Variants in ARB2A observed in about 807,000 individuals in gnomAD.
ARB2A encodes ARB2 cotranscriptional regulator A.
the ARB2A span, among the ~76,000 whole-genome samples, chr5:93,780,046 T>C: frequency 6.6e-6 from 1 of 152,174 alleles, no homozygotes; most frequent in Admixed American, 6.5e-5. Context: ...CTGTGCAAGG[T>C]GTCTGGAGGT....
chr5:93,709,247 G>A, the ARB2A span, among the ~76,000 whole-genome samples: 2 of 152,032 alleles, frequency 1.3e-5, no homozygotes, highest in East Asian at 3.9e-4. Context: ...CTCCAAGACA[G>A]GGTCCCAGAT....
the ARB2A span, among the ~76,000 whole-genome samples, chr5:93,676,157 T>C: frequency 1.3e-5 from 2 of 152,104 alleles, no homozygotes; most frequent in Non-Finnish European, 2.9e-5. Context: ...GGCACTAACA[T>C]GAATGGAGAA....
chr5:94,014,724 C>T, the ARB2A span, among the ~76,000 whole-genome samples: 1 of 151,342 alleles, frequency 6.6e-6, no homozygotes, highest in Non-Finnish European at 1.5e-5. Flanking sequence ...AAATGAAAAT[C>T]TTGGAACGGA....
chr5:93,785,633 C>A, the ARB2A span, among the ~76,000 whole-genome samples: 1 of 152,116 alleles, frequency 6.6e-6, no homozygotes, highest in Non-Finnish European at 1.5e-5. Flanking sequence ...CATGCTGTCT[C>A]AATGAATACT....
At chr5:93,886,072 A>G in the ARB2A span, among the ~76,000 whole-genome samples, 4 of 151,718 alleles carry the variant, frequency 2.6e-5, no homozygotes, top group African/African-American at 7.2e-5. Flanking sequence ...AAAACATTAA[A>G]ATGCACGACC....
the ARB2A span, among the ~76,000 whole-genome samples, chr5:93,893,575 A>T: frequency 2.0e-3 from 309 of 152,338 alleles, no homozygotes; most frequent in African/African-American, 7.2e-3. Context: ...CCACTACAGA[A>T]CTATCATTCA....
At chr5:93,797,824 T>A in the ARB2A span, among the ~76,000 whole-genome samples, 1 of 152,084 alleles carries the variant, frequency 6.6e-6, no homozygotes, top group Non-Finnish European at 1.5e-5. Context: ...AGAGAGGTGT[T>A]TTCAGAAAAA....
the ARB2A span, among the ~76,000 whole-genome samples, chr5:93,814,094 A>T: frequency 2.0e-5 from 3 of 152,144 alleles, no homozygotes; most frequent in African/African-American, 7.2e-5. Flanking sequence ...TTCAACTTAA[A>T]TGATCAATTT....
chr5:93,949,854 T>G, the ARB2A span, among the ~76,000 whole-genome samples: 1 of 152,124 alleles, frequency 6.6e-6, no homozygotes, highest in Non-Finnish European at 1.5e-5. Context: ...TGAGTTAAAC[T>G]TTCAATTATT....
At chr5:93,848,571 A>C in the ARB2A span, among the ~76,000 whole-genome samples, 58 of 152,284 alleles carry the variant, frequency 3.8e-4, no homozygotes, top group Non-Finnish European at 3.1e-4. Flanking sequence ...ATTTGAGCCT[A>C]AATTCACAAA....
At chr5:93,870,934 G>A in the ARB2A span, among the ~76,000 whole-genome samples, 4 of 152,210 alleles carry the variant, frequency 2.6e-5, no homozygotes, top group Non-Finnish European at 5.9e-5. Flanking sequence ...ACTTGATTGC[G>A]TTTAGAGCTA....
chr5:94,094,615 C>A, the ARB2A span, among the ~76,000 whole-genome samples: 3 of 152,172 alleles, frequency 2.0e-5, no homozygotes, highest in Non-Finnish European at 1.5e-5. Context: ...TGCATTACTT[C>A]AACAATGTGG....
chr5:93,633,571 A>G, the ARB2A span, among the ~76,000 whole-genome samples: 1 of 152,120 alleles, frequency 6.6e-6, no homozygotes, highest in African/African-American at 2.4e-5. Context: ...AGCCTTTTCA[A>G]ATTCTTTATT....
the ARB2A span, among the ~76,000 whole-genome samples, chr5:93,730,776 C>G: frequency 6.6e-6 from 1 of 152,080 alleles, no homozygotes. Context: ...ATTTAAGAAT[C>G]ATATCTCTAT....
chr5:94,059,618 C>CAAAAAA, the ARB2A span, among the ~76,000 whole-genome samples: 7 of 62,772 alleles, frequency 1.1e-4, no homozygotes, highest in Admixed American at 2.4e-4. Flanking sequence ...GAGACTGTCT[C>CAAAAAA]AAAAAAAAAA....
At chr5:93,712,064 C>T in the ARB2A span, among the ~76,000 whole-genome samples, 1 of 152,182 alleles carries the variant, frequency 6.6e-6, no homozygotes, top group Non-Finnish European at 1.5e-5. Context: ...CCAGGATAGC[C>T]TGGTAGAGAA....
chr5:93,881,443 G>C, the ARB2A span: 7 of 1,527,530 alleles, frequency 4.6e-6, no homozygotes, highest in Middle Eastern at 3.4e-4. Context: ...AAAGAAAATA[G>C]TAAAGGAAAG....
the ARB2A span, among the ~76,000 whole-genome samples, chr5:94,022,585 A>T: frequency 6.6e-6 from 1 of 152,184 alleles, no homozygotes; most frequent in Non-Finnish European, 1.5e-5. Context: ...ACACAATAAA[A>T]GGTTTGGAGC....
chr5:93,911,494 G>C, the ARB2A span, among the ~76,000 whole-genome samples: 79 of 151,734 alleles, frequency 5.2e-4, no homozygotes, highest in Non-Finnish European at 7.4e-4. Context: ...GAAGTACACA[G>C]AATTATTGAA....
Sources: allele counts gnomAD v4.1 joint callset (sites outside exome capture counted in the v4.1 genomes callset), GRCh38; gene constraint gnomAD v4.1.1; transcripts MANE v1.5; gene names NCBI Gene and HGNC (gene_info 2026-07-23, HGNC 2026-07-21).